The following HECW2 variants were observed in gnomAD, a reference collection of about 807,000 sequenced individuals.
The protein encoded by HECW2 is E3 ubiquitin-protein ligase HECW2.
HECW2 carries 61 observed loss-of-function variants against 175.2 expected under a neutral mutation model. The ratio of observed to expected loss-of-function variants is 0.35; its 90% confidence interval spans 0.28 to 0.43. HECW2 has a LOEUF of 0.43. Ranked by LOEUF, HECW2 falls within the 20% of genes least tolerant of loss-of-function variation. The probability of loss-of-function intolerance (pLI) is 1.00; values close to 1 mark genes in which losing one functional copy is unlikely to be tolerated. For missense variants in HECW2, 1,524 were observed against 2,000.5 expected (o/e 0.76, Z 4.54); for synonymous variants, 671 against 731.0 (o/e 0.92, Z 1.32).
intron 1 of HECW2, among the ~76,000 whole-genome samples, chr2:196,444,232 T>C (rs1213214093): frequency 6.6e-6 from 1 of 152,190 alleles, no homozygotes; most frequent in Non-Finnish European, 1.5e-5. Flanking sequence ...GTAAGTGAAA[T>C]TCAAATATTT....
At chr2:196,212,110 TACAG>T (rs1199585863) in intron 28 of HECW2, among the ~76,000 whole-genome samples, 7 of 152,226 alleles carry the variant, frequency 4.6e-5, no homozygotes, top group Non-Finnish European at 8.8e-5. Flanking sequence ...GTGCTGGGAT[TACAG>T]GTGTGAGCCA....
At chr2:196,219,166 C>A (rs899104382) in intron 26 of HECW2, among the ~76,000 whole-genome samples, 2 of 152,200 alleles carry the variant, frequency 1.3e-5, no homozygotes, top group Admixed American at 1.3e-4. Flanking sequence ...TTGTAGTTTT[C>A]ATTCTCCAAG....
Position 196,292,741 on chromosome 2 carries a change from G to A in HECW2, c.2824C>T (p.Arg942Cys), listed in dbSNP as rs773920231. ...TVLHSNPSAY[R>C]MFTNNTCLKH... ...AAACACGTGTTGTTTGTAAACATGC[G>A]GTAGGCACTCTAAAGAAAAGAATGG... The change falls in exon 14 of 29, where the codon CGC (arginine) becomes TGC (cysteine). Residue 942 changes from arginine to cysteine, a missense_variant. Physicochemically the swap from Arg to Cys is radical, Grantham distance 180. Coordinates refer to ENST00000644978, the MANE Select transcript of HECW2 (RefSeq NM_001348768.2). The A allele has an allele frequency of 2.2e-5, 35 of 1,611,496 alleles. No homozygotes were observed. Among genetic ancestry groups the A allele is most frequent in the Admixed American group, 6.7e-5 (4 of 59,898 alleles).
chr2:196,469,120 C>T (rs62184693), intron 1 of HECW2, among the ~76,000 whole-genome samples: 1,965 of 144,724 alleles, frequency 0.014, 49 homozygotes, highest in African/African-American at 0.045. Flanking sequence ...TGTGTGTGTG[C>T]GTGTGTGTGT....
At chr2:196,385,192 A>C (rs895833511) in intron 2 of HECW2, among the ~76,000 whole-genome samples, 1 of 152,256 alleles carries the variant, frequency 6.6e-6, no homozygotes, top group Middle Eastern at 3.4e-3. Flanking sequence ...GATTACAAGC[A>C]TGAGCCATTG....
In HECW2 at chr2:196,318,847, G is replaced by A. The variant is rs143907539; in HGVS notation, c.2043C>T (p.Asp681=). The part of the protein sequence containing the change: ...TPAFSSQEEE[D]GACAAEPTSS... ...TGGTGGGCTCTGCTGCACAGGCTCC[G>A]TCTTCCTCCTCCTGAGAAGAAAAGG... The change falls in exon 9 of 29, where the codon GAC becomes GAT. Residue 681 remains aspartate (D), a synonymous_variant. Coordinates refer to ENST00000644978, the MANE Select transcript of HECW2 (RefSeq NM_001348768.2). 3.9e-5 allele frequency: 61 copies of A among 1,550,662 alleles called. No homozygotes were observed. Among genetic ancestry groups the A allele is most frequent in the Middle Eastern group, 1.7e-4 (1 of 5,770 alleles).
In HECW2 at chr2:196,249,861, C is replaced by T. The variant is rs544610040; in HGVS notation, c.3529+4059G>A. Among the ~76,000 whole-genome samples the T allele has an allele frequency of 8.9e-4, 136 of 152,340 alleles. 1 individual carries two copies. The highest frequency in any genetic ancestry group is 2.9e-3 in the African/African-American group (120 of 41,574). Reference sequence around the variant, plus strand: ...TGATTCTTCCTGAAAATTAAAACCACCACAAACACTGCTAGCAATTTAGAT... The same window carrying T: ...TGATTCTTCCTGAAAATTAAAACCATCACAAACACTGCTAGCAATTTAGAT... On this transcript the variant is annotated intron_variant, in intron 19 of 28. Coordinates refer to ENST00000644978, the MANE Select transcript of HECW2 (RefSeq NM_001348768.2).
chr2:196,367,854 T>TTG (rs59971469), intron 2 of HECW2, among the ~76,000 whole-genome samples: 4,016 of 130,166 alleles, frequency 0.031, 122 homozygotes, highest in African/African-American at 0.099. Flanking sequence ...TAGTACTCCA[T>TTG]TGTGTGTGTG....
At chr2:196,393,685 T>A (rs111509990) in intron 2 of HECW2, among the ~76,000 whole-genome samples, 78 of 152,250 alleles carry the variant, frequency 5.1e-4, no homozygotes, top group African/African-American at 1.6e-3. Flanking sequence ...GAGAAATAGG[T>A]ACACTTTTAC....
chr2:196,396,992 A>G (rs1694685306), intron 2 of HECW2, among the ~76,000 whole-genome samples: 1 of 152,098 alleles, frequency 6.6e-6, no homozygotes, highest in Admixed American at 6.6e-5. Context: ...GGGCACCTGT[A>G]GTCCCACCTA....
intron 1 of HECW2, among the ~76,000 whole-genome samples, chr2:196,438,969 T>A (rs78484991): frequency 6.6e-6 from 1 of 152,240 alleles, no homozygotes; most frequent in South Asian, 2.1e-4. Flanking sequence ...TTTCTATATA[T>A]TCCTTTAACA....
At chr2:196,465,060 C>A (rs1037209794) in intron 1 of HECW2, among the ~76,000 whole-genome samples, 3 of 152,110 alleles carry the variant, frequency 2.0e-5, no homozygotes, top group Non-Finnish European at 2.9e-5. Flanking sequence ...ATAGCAATAC[C>A]CTTACTTGCC....
chr2:196,214,963 G>C (rs1662386955), intron 28 of HECW2, among the ~76,000 whole-genome samples: 1 of 151,978 alleles, frequency 6.6e-6, no homozygotes. Flanking sequence ...CTTCAATTTA[G>C]GATAACATCT....
rs1250402916 is a variant in HECW2 at position 196,322,602 on chromosome 2, G to A, written c.760C>T (p.Leu254Phe). 1 of 1,611,912 alleles carries A rather than the reference G, an allele frequency of 6.2e-7. No homozygotes were observed. Among genetic ancestry groups the A allele is most frequent in the East Asian group, 2.2e-5 (1 of 44,856 alleles). The change falls in exon 7 of 29, where the codon CTT (leucine) becomes TTT (phenylalanine). Residue 254 changes from leucine to phenylalanine, a missense_variant. This residue lies in a region of HECW2 where 95 missense variants were observed against 136.8 expected (regional missense o/e 0.69). Transcript: ENST00000644978. ...WHREKYSFFA[L>F]LTDVLEIEIK... ...TCAATTTCTAAGACATCAGTAAGAA[G>A]TGCAAAAAAGGAATATTTCTGAAAA...
chr2:196,226,374 G>C (rs995280236), intron 22 of HECW2, among the ~76,000 whole-genome samples: 26 of 152,104 alleles, frequency 1.7e-4, no homozygotes, highest in African/African-American at 6.3e-4. Flanking sequence ...TGTACAGCCT[G>C]CAGAATCATG....
chr2:196,542,784 T>C (rs1045803874), intron 1 of HECW2, among the ~76,000 whole-genome samples: 7 of 150,456 alleles, frequency 4.7e-5, no homozygotes, highest in Non-Finnish European at 1.0e-4. Flanking sequence ...TATATCTAGA[T>C]AGATACATGG....
At chr2:196,314,612 GT>G (rs905420379) in intron 10 of HECW2, among the ~76,000 whole-genome samples, 5 of 152,156 alleles carry the variant, frequency 3.3e-5, no homozygotes, top group Admixed American at 3.3e-4. Flanking sequence ...GCTGACTTCT[GT>G]GCAACAACCT....
chr2:196,345,285 C>T (rs1324323028), intron 2 of HECW2, among the ~76,000 whole-genome samples: 1 of 152,126 alleles, frequency 6.6e-6, no homozygotes, highest in African/African-American at 2.4e-5. Flanking sequence ...CAGGGCAGAC[C>T]CTGCTTGCTG....
At chr2:196,513,251 A>G (rs1688019432) in intron 1 of HECW2, among the ~76,000 whole-genome samples, 1 of 152,196 alleles carries the variant, frequency 6.6e-6, no homozygotes, top group South Asian at 2.1e-4. Flanking sequence ...GAATCCATAT[A>G]AAAAGTATTC....
Sources: allele counts gnomAD v4.1 joint callset (sites outside exome capture counted in the v4.1 genomes callset), GRCh38; gene constraint gnomAD v4.1.1; regional missense constraint gnomAD v4.1.1; transcripts MANE v1.5; gene names NCBI Gene and HGNC (gene_info 2026-07-23, HGNC 2026-07-21).